LRP1B: variants seen among roughly 807,000 people sequenced by gnomAD.
LRP1B encodes low-density lipoprotein receptor-related protein 1B.
Under a neutral mutation model 556.6 loss-of-function variants are expected in LRP1B, and 217 were observed. The observed-to-expected ratio is 0.39, with a 90% CI of 0.35 to 0.44. The LOEUF is 0.44. LRP1B is among the 20% of genes least tolerant of loss of function. LRP1B has a pLI of 1.00. For missense variants in LRP1B, 5,053 were observed against 5,620.8 expected (o/e 0.90, Z 3.23); for synonymous variants, 2,047 against 1,865.8 (o/e 1.10, Z -2.50).
In LRP1B at chr2:140,868,113, C is replaced by T. The variant is rs151169845; in HGVS notation, c.4320G>A (p.Val1440=). The T allele has an allele frequency of 1.2e-6, 2 of 1,600,102 alleles. No homozygotes were observed. The highest frequency in any genetic ancestry group is 1.7e-4 in the Middle Eastern group (1 of 5,966). The change falls in exon 26 of 91, where the codon GTG becomes GTA. Residue 1440 remains valine, a synonymous_variant. Transcript: ENST00000389484. The part of the protein sequence containing the change: ...LTVDHFEKRI[V]WTDARSDAIY... ...ATTTTTTAAACCTGGCGTCTGTCCA[C>T]ACTATCCTTTTCTCAAAGTGGTCCA... is the stretch of plus-strand genomic sequence containing the variant.
intron 41 of LRP1B, among the ~76,000 whole-genome samples, chr2:140,604,628 A>G (rs1447101814): frequency 6.6e-6 from 1 of 152,128 alleles, no homozygotes; most frequent in African/African-American, 2.4e-5. Context: ...TATTATTCAT[A>G]GGGAGTCACG....
intron 41 of LRP1B, among the ~76,000 whole-genome samples, chr2:140,644,057 A>T (rs956810482): frequency 1.3e-5 from 2 of 152,108 alleles, no homozygotes; most frequent in African/African-American, 4.8e-5. Flanking sequence ...TTGTAAACTC[A>T]TTTTGCAGCT....
chr2:140,963,444 TA>T (rs879759301), intron 18 of LRP1B, among the ~76,000 whole-genome samples: 3,145 of 106,700 alleles, frequency 0.029, 54 homozygotes, highest in Non-Finnish European at 0.039. Context: ...CATGCATATT[TA>T]TATATATATA....
At chr2:141,259,114 T>C (rs1468917996) in intron 3 of LRP1B, among the ~76,000 whole-genome samples, 2 of 152,196 alleles carry the variant, frequency 1.3e-5, no homozygotes, top group Non-Finnish European at 2.9e-5. Flanking sequence ...TTCTAGGCCA[T>C]TTGATTTAGA....
chr2:142,125,126 T>A (rs1707596456), intron 1 of LRP1B, among the ~76,000 whole-genome samples: 1 of 151,778 alleles, frequency 6.6e-6, no homozygotes, highest in Admixed American at 6.6e-5. Flanking sequence ...ACTTTCTAAC[T>A]TGGCCTTGTA....
Position 141,008,623 on chromosome 2 carries a change from T to C in LRP1B, c.2381-3166A>G, listed in dbSNP as rs114032763. Among the ~76,000 whole-genome samples the C allele has an allele frequency of 6.3e-3, 954 of 151,980 alleles. 15 individuals are homozygous for C. The highest frequency in any genetic ancestry group is 0.022 in the African/African-American group (918 of 41,552). On this transcript the variant is annotated intron_variant, in intron 14 of 90. Coordinates refer to ENST00000389484, the MANE Select transcript of LRP1B (RefSeq NM_018557.3). ...GAAAGCAAATGAAGAATAGCTTTCA[T>C]TATCTAGTTGAAGAAGGCCTTCTGG...
chr2:141,197,615 AT>A (rs1360408775), intron 6 of LRP1B, among the ~76,000 whole-genome samples: 3 of 152,132 alleles, frequency 2.0e-5, no homozygotes, highest in Non-Finnish European at 4.4e-5. Context: ...GGAGATGTCT[AT>A]TCAGTATTTG....
chr2:141,313,939 T>C (rs77722778), intron 3 of LRP1B, among the ~76,000 whole-genome samples: 5 of 152,282 alleles, frequency 3.3e-5, no homozygotes, highest in Non-Finnish European at 7.4e-5. Context: ...TCCAATTCTT[T>C]ATGTGTCAGT....
intron 41 of LRP1B, among the ~76,000 whole-genome samples, chr2:140,697,769 G>A (rs1356753442): frequency 6.6e-6 from 1 of 151,986 alleles, no homozygotes; most frequent in Non-Finnish European, 1.5e-5. Flanking sequence ...CCATTACCAA[G>A]GGCCAGGGAA....
In LRP1B at chr2:140,373,115, G is replaced by A. The variant is rs776781215; in HGVS notation, c.10661C>T (p.Ser3554Phe). ...SDERNCETSC[S>F]KDQFRCSNGQ... ...ATTGGAACACCGGAACTGATCTTTG[G>A]AACAACTTGTCTCACAATTTCTCTA... Residue 3554 changes from serine (S) to phenylalanine (F), a missense_variant, in exon 69 of 91, where the codon TCC (serine) becomes TTC (phenylalanine). By Grantham distance (155) the Ser-to-Phe change is radical (BLOSUM62 -2). Transcript: ENST00000389484. The A allele has an allele frequency of 6.2e-7, 1 of 1,612,826 alleles. No homozygotes were observed. The highest frequency in any genetic ancestry group is 8.5e-7 in the Non-Finnish European group (1 of 1,179,376).
At chr2:141,626,674 G>A (rs1437723280) in intron 2 of LRP1B, among the ~76,000 whole-genome samples, 1 of 152,182 alleles carries the variant, frequency 6.6e-6, no homozygotes. Flanking sequence ...CACCAAAGAA[G>A]ATGGCAAATA....
At chr2:140,736,181 G>A (rs1185789356) in intron 35 of LRP1B, among the ~76,000 whole-genome samples, 4 of 152,094 alleles carry the variant, frequency 2.6e-5, no homozygotes, top group Non-Finnish European at 5.9e-5. Context: ...GATATATTAT[G>A]TGAGAAAGGA....
At chr2:142,092,588 G>GA (rs1706213687) in intron 1 of LRP1B, among the ~76,000 whole-genome samples, 1 of 151,936 alleles carries the variant, frequency 6.6e-6, no homozygotes, top group Non-Finnish European at 1.5e-5. Context: ...AAAGTATTGC[G>GA]ATCTGATCCA....
At chr2:140,791,198 G>A (rs1384539526) in intron 32 of LRP1B, among the ~76,000 whole-genome samples, 1 of 152,066 alleles carries the variant, frequency 6.6e-6, no homozygotes, top group Non-Finnish European at 1.5e-5. Context: ...AGGTTGCAGT[G>A]AGCCAAGATT....
intron 2 of LRP1B, among the ~76,000 whole-genome samples, chr2:141,540,422 T>G (rs1685217567): frequency 6.6e-6 from 1 of 152,046 alleles, no homozygotes; most frequent in Non-Finnish European, 1.5e-5. Flanking sequence ...TGTTCTAATT[T>G]GAGTTTTAAA....
chr2:141,918,449 A>AT (rs1212960519), intron 1 of LRP1B, among the ~76,000 whole-genome samples: 22 of 151,824 alleles, frequency 1.4e-4, no homozygotes, highest in African/African-American at 5.1e-4. Context: ...GTATCGAGTG[A>AT]TTTTTTTTCA....
intron 53 of LRP1B, 84 bp downstream of exon 53, chr2:140,506,712 G>C (rs2104906307): frequency 7.0e-7 from 1 of 1,426,336 alleles, no homozygotes; most frequent in Middle Eastern, 1.8e-4. Flanking sequence ...TGTGTTGCTT[G>C]TTGCTTTAGT....
chr2:141,638,860 CAT>C (rs144725766), intron 2 of LRP1B, among the ~76,000 whole-genome samples: 33,901 of 53,104 alleles, frequency 0.64, 12,423 homozygotes, highest in East Asian at 0.86. Flanking sequence ...GTAAGGTAGC[CAT>C]ATATATATAT....
At chr2:141,392,120 C>T (rs1484444943) in intron 3 of LRP1B, among the ~76,000 whole-genome samples, 1 of 152,114 alleles carries the variant, frequency 6.6e-6, no homozygotes, top group Non-Finnish European at 1.5e-5. Flanking sequence ...AACTCAGGAG[C>T]ATGGGTTACT....
Sources: allele counts gnomAD v4.1 joint callset (sites outside exome capture counted in the v4.1 genomes callset), GRCh38; gene constraint gnomAD v4.1.1; transcripts MANE v1.5; gene names NCBI Gene and HGNC (gene_info 2026-07-23, HGNC 2026-07-21).